AGBL1: variants seen among roughly 807,000 people sequenced by gnomAD.
AGBL1 encodes the protein AGBL carboxypeptidase 1.
A neutral mutation model predicts 118.9 loss-of-function variants in AGBL1; 130 were observed. The ratio of observed to expected loss-of-function variants is 1.09; its 90% CI spans 0.95 to 1.26. The LOEUF (loss-of-function observed/expected upper bound fraction) is 1.26. Among genes scored for constraint, AGBL1 ranks in the 50% most tolerant of loss-of-function variants. AGBL1 has a pLI of 0.00. For synonymous variants in AGBL1, 555 were observed against 478.9 expected (o/e 1.16, Z -2.08); for missense variants, 1,584 against 1,298.1 (o/e 1.22, Z -3.38).
At chr15:86,257,289 C>T (rs2078912055) in intron 8 of AGBL1, among the ~76,000 whole-genome samples, 1 of 152,134 alleles carries the variant, frequency 6.6e-6, no homozygotes, top group Non-Finnish European at 1.5e-5. Flanking sequence ...ACAGTCATCT[C>T]AGCTAATTTT....
chr15:86,767,161 A>G (rs1268230023), intron 22 of AGBL1, among the ~76,000 whole-genome samples: 3 of 151,932 alleles, frequency 2.0e-5, no homozygotes, highest in Non-Finnish European at 4.4e-5. Flanking sequence ...CAGATTTTTG[A>G]ATCTATTTTT....
chr15:86,237,525 A>C (rs1041383886), intron 6 of AGBL1, among the ~76,000 whole-genome samples: 2 of 152,132 alleles, frequency 1.3e-5, no homozygotes, highest in Admixed American at 1.3e-4. Flanking sequence ...TTCTTCTTTA[A>C]GTGTCATCCT....
chr15:87,018,613 A>T (rs7162644), intron 24 of AGBL1, among the ~76,000 whole-genome samples: 1 of 152,064 alleles, frequency 6.6e-6, no homozygotes, highest in African/African-American at 2.4e-5. Flanking sequence ...TGAAGGAAGC[A>T]CTAAATATGG....
In AGBL1 at chr15:86,308,027, C is replaced by A. The variant is rs145142927; in HGVS notation, c.2374+12619C>A. ...AAATCACATATTTATATATCTCTGA[C>A]CATCTACTATTGAGTTTGCCTGTTT... On this transcript the variant is annotated intron_variant, in intron 17 of 22. Coordinates refer to ENST00000614907, the MANE Select transcript of AGBL1 (RefSeq NM_001386094.1). 1.6e-3 allele frequency among the ~76,000 whole-genome samples: 239 copies of A among 152,230 alleles called. 1 individual carries two copies. Among genetic ancestry groups the A allele is most frequent in the African/African-American group, 5.6e-3 (231 of 41,552 alleles).
At chr15:86,335,627 C>T (rs1567204933) in intron 17 of AGBL1, among the ~76,000 whole-genome samples, 1 of 152,170 alleles carries the variant, frequency 6.6e-6, no homozygotes, top group Non-Finnish European at 1.5e-5. Context: ...GAGGGAAATT[C>T]TTGGAAGAAA....
chr15:86,227,406 G>C (rs922199080), intron 6 of AGBL1, among the ~76,000 whole-genome samples: 3 of 152,204 alleles, frequency 2.0e-5, no homozygotes, highest in Non-Finnish European at 4.4e-5. Context: ...TGTGTATCAG[G>C]GTTTCTCAAT....
chr15:86,118,161 T>C (rs535914513), intron 1 of AGBL1, among the ~76,000 whole-genome samples: 1 of 152,304 alleles, frequency 6.6e-6, no homozygotes, highest in South Asian at 2.1e-4. Context: ...GTGGACTCAG[T>C]TCCATTTTTA....
chr15:86,722,179 AAG>A (rs2086734033), intron 22 of AGBL1, among the ~76,000 whole-genome samples: 1 of 152,230 alleles, frequency 6.6e-6, no homozygotes, highest in Admixed American at 6.5e-5. Flanking sequence ...ATGGAACCAA[AAG>A]AGAGCCCGCA....
intron 19 of AGBL1, among the ~76,000 whole-genome samples, chr15:86,542,356 A>ATTTT (rs71144054): frequency 8.6e-6 from 1 of 116,376 alleles, no homozygotes; most frequent in Non-Finnish European, 1.7e-5. Context: ...CACCATTGAG[A>ATTTT]TTTTTTTTTT....
intron 1 of AGBL1, among the ~76,000 whole-genome samples, chr15:86,085,540 G>A (rs1895586030): frequency 6.6e-6 from 1 of 152,202 alleles, no homozygotes; most frequent in Non-Finnish European, 1.5e-5. Flanking sequence ...CATTGGACAT[G>A]ACTGCTGATG....
chr15:86,770,356 G>A (rs761500595), intron 22 of AGBL1, among the ~76,000 whole-genome samples: 6 of 151,826 alleles, frequency 4.0e-5, no homozygotes, highest in Non-Finnish European at 8.8e-5. Flanking sequence ...GTCTGGACAC[G>A]GTTTTTTTAT....
At chr15:86,862,455 C>T (rs185873410) in intron 22 of AGBL1, among the ~76,000 whole-genome samples, 1 of 152,180 alleles carries the variant, frequency 6.6e-6, no homozygotes, top group Non-Finnish European at 1.5e-5. Flanking sequence ...CATGGTGGCT[C>T]ATGCCTGTAA....
At chr15:86,692,975 A>G (rs1183736010) in intron 22 of AGBL1, among the ~76,000 whole-genome samples, 2 of 152,136 alleles carry the variant, frequency 1.3e-5, no homozygotes, top group African/African-American at 4.8e-5. Context: ...TCCATTCCAT[A>G]TAGATATATC....
chr15:87,028,048 GA>G (rs562952965), intron 24 of AGBL1, among the ~76,000 whole-genome samples: 7 of 131,588 alleles, frequency 5.3e-5, no homozygotes, highest in African/African-American at 2.1e-4. Flanking sequence ...AAAAGTGGAA[GA>G]AAAAAATATA....
At chr15:86,166,440 GC>G (rs1159295063) in intron 5 of AGBL1, among the ~76,000 whole-genome samples, 1 of 152,156 alleles carries the variant, frequency 6.6e-6, no homozygotes, top group Non-Finnish European at 1.5e-5. Flanking sequence ...AGCAGACAGG[GC>G]CTCTGCTTTG....
At chr15:86,080,503 G>C (rs920141951) in intron 1 of AGBL1, among the ~76,000 whole-genome samples, 1 of 152,164 alleles carries the variant, frequency 6.6e-6, no homozygotes, top group Non-Finnish European at 1.5e-5. Context: ...CTGGGATGCC[G>C]ACTATCAGTG....
At chr15:86,678,115 G>T (rs2085882673) in intron 22 of AGBL1, among the ~76,000 whole-genome samples, 2 of 152,110 alleles carry the variant, frequency 1.3e-5, no homozygotes, top group Non-Finnish European at 2.9e-5. Context: ...ACCCCACAAA[G>T]TTATTTTTGT....
intron 21 of AGBL1, among the ~76,000 whole-genome samples, chr15:86,582,588 A>G (rs1467841152): frequency 6.6e-6 from 1 of 152,102 alleles, no homozygotes; most frequent in African/African-American, 2.4e-5. Flanking sequence ...ACTATTCACA[A>G]TAGCAAAGAC....
intron 17 of AGBL1, among the ~76,000 whole-genome samples, chr15:86,302,635 C>T (rs8037204): frequency 0.014 from 2,086 of 151,768 alleles, 55 homozygotes; most frequent in African/African-American, 0.045. Flanking sequence ...AAAAATGAGC[C>T]GAATGTGGTG....
Sources: gnomAD v4.1 joint callset for allele counts (sites outside exome capture counted in the v4.1 genomes callset) on GRCh38, gnomAD v4.1.1 for gene constraint, MANE v1.5 for transcripts, NCBI Gene and HGNC (gene_info 2026-07-23, HGNC 2026-07-21) for gene names.